STX3: variants seen among roughly 807,000 people sequenced by gnomAD.
STX3 encodes syntaxin 3.
STX3 carries 19 observed loss-of-function variants against 40.2 expected under a neutral mutation model. The observed-to-expected ratio is 0.47, with a 90% CI of 0.33 to 0.69. The LOEUF is 0.69. Among genes scored for constraint, STX3 ranks in the 30% least tolerant of loss-of-function variants. The pLI, the probability that STX3 is intolerant of heterozygous loss-of-function variation, is 0.02. For missense variants in STX3, 364 were observed against 366.7 expected (o/e 0.99, Z 0.06); for synonymous variants, 122 against 132.2 (o/e 0.92, Z 0.53).
chr11:59,788,859 CTTTA>C lies in STX3; in HGVS notation c.215-9_215-6del. On this transcript the variant is annotated splice_polypyrimidine_tract_variant and intron_variant, in intron 3 of 10. Transcript: ENST00000337979. Reference sequence around the variant, plus strand: ...CTCCTTTCTAACGGATTCTGCCTGCCTTTATTTACCCAGAAACCAAGGATGACCT... The same window carrying C: ...CTCCTTTCTAACGGATTCTGCCTGCCTTTACCCAGAAACCAAGGATGACCT... The C allele has an allele frequency of 1.2e-6, 2 of 1,609,956 alleles. No individual in the cohort carries two copies. The highest frequency in any genetic ancestry group is 1.7e-6 in the Non-Finnish European group (2 of 1,177,936).
rs1455716313 is a variant in STX3 at position 59,802,991 on chromosome 11, G to A, written c.*2167G>A. ...GATCTGTCACGATGTTATCTAGAAG[G>A]TGGAATGACCATACCAAACATCCTT... On this transcript the variant is annotated 3_prime_UTR_variant, in exon 11 of 11. Transcript: ENST00000337979. The A allele has an allele frequency of 1.0e-6, 1 of 984,436 alleles. No individual in the cohort carries two copies. Among genetic ancestry groups the A allele is most frequent in the Non-Finnish European group, 1.2e-6 (1 of 829,808 alleles). The allele number at this position is 984,436 out of a possible 1,614,324, so 61.0% of individuals were successfully genotyped here. A position where few individuals can be genotyped will look rare whatever the true frequency, so the allele number is the denominator to read the frequency against.
intron 5 of STX3, 150 bp from the exon 6 acceptor site, chr11:59,791,957 A>G (rs1284826435): frequency 2.9e-6 from 2 of 696,538 alleles, no homozygotes; most frequent in African/African-American, 3.6e-5. Flanking sequence ...TCCCAGTGGC[A>G]CAAAGCTAGG....
Position 59,792,094 on chromosome 11 carries a change from C to T in STX3, c.358-13C>T, listed in dbSNP as rs376676090. ...ACCACTGGGGCCTGACTGCATTTTACATCATCCCACAGCACTCTGTCCTTT... is the reference window on the plus strand; with the variant it reads ...ACCACTGGGGCCTGACTGCATTTTATATCATCCCACAGCACTCTGTCCTTT... On this transcript the variant is annotated splice_polypyrimidine_tract_variant and intron_variant, in intron 5 of 10. Transcript: ENST00000337979. The T allele has an allele frequency of 8.6e-5, 139 of 1,609,636 alleles. No individual in the cohort carries two copies. Among genetic ancestry groups the T allele is most frequent in the Non-Finnish European group, 1.1e-4 (131 of 1,176,856 alleles).
chr11:59,767,295 G>A (rs1406120364), intron 1 of STX3, among the ~76,000 whole-genome samples: 1 of 152,180 alleles, frequency 6.6e-6, no homozygotes, highest in Non-Finnish European at 1.5e-5. Flanking sequence ...AGGTTGGGGA[G>A]GGGAGGAAGT....
At chr11:59,799,833 T>C in intron 10 of STX3, 4 of 985,474 alleles carry the variant, frequency 4.1e-6, no homozygotes, top group Non-Finnish European at 3.6e-6. Flanking sequence ...TTTCCCCTCT[T>C]TTTTCTGGCA....
chr11:59,780,531 G>T (rs1009844547), intron 2 of STX3, among the ~76,000 whole-genome samples: 1 of 152,166 alleles, frequency 6.6e-6, no homozygotes, highest in South Asian at 2.1e-4. Context: ...AAGGAGGAGG[G>T]AAGAGACCAT....
At position 59,781,355 on chromosome 11, in the gene STX3, C is replaced by T. The variant is rs945759348; in HGVS notation, c.115-5682C>T. ...AGATCCGAGTACAGGTGACATTGTT[C>T]ATGACACACTCCACCACTAATTTCC... On this transcript the variant is annotated intron_variant, in intron 2 of 10. Coordinates refer to ENST00000337979, the MANE Select transcript of STX3 (RefSeq NM_004177.5). 8.2e-6 allele frequency: 13 copies of T among 1,590,786 alleles called. No individual in the cohort carries two copies. In the South Asian group the frequency reaches 8.8e-5, roughly 11 times the overall value.
At chr11:59,755,266 G>A, upstream of STX3, 1 of 203,528 alleles carries the variant, frequency 4.9e-6, no homozygotes, top group Non-Finnish European at 9.7e-6. Flanking sequence ...GACGCCCCGG[G>A]CGGCCGGGCG....
chr11:59,792,474 C>G (rs957551055), intron 6 of STX3, among the ~76,000 whole-genome samples: 19 of 152,150 alleles, frequency 1.2e-4, no homozygotes, highest in African/African-American at 4.6e-4. Context: ...CAAACAGTTG[C>G]TCTCTTGTGG....
chr11:59,775,313 A>G (rs757373398), intron 2 of STX3, among the ~76,000 whole-genome samples: 11 of 152,178 alleles, frequency 7.2e-5, no homozygotes, highest in Non-Finnish European at 1.3e-4. Context: ...TGTTACTCCA[A>G]TTGTGGATCG....
chr11:59,793,018 C>A (rs965190852), intron 6 of STX3, 81 bp from the exon 7 acceptor site: 2 of 1,413,704 alleles, frequency 1.4e-6, no homozygotes, highest in Non-Finnish European at 2.0e-6. Context: ...AGGGAAGTCA[C>A]GTTCCTAATT....
At chr11:59,785,145 C>A (rs950386164) in intron 2 of STX3, among the ~76,000 whole-genome samples, 3 of 152,164 alleles carry the variant, frequency 2.0e-5, no homozygotes, top group African/African-American at 4.8e-5. Flanking sequence ...TATGTTTACA[C>A]TCCCATGATA....
intron 1 of STX3, among the ~76,000 whole-genome samples, chr11:59,759,540 G>A (rs1318132285): frequency 1.3e-5 from 2 of 152,220 alleles, no homozygotes; most frequent in Non-Finnish European, 2.9e-5. Context: ...GCCATATGGT[G>A]GTAATGGAGA....
Position 59,770,732 on chromosome 11 carries a change from C to T in STX3, c.31-2479C>T, listed in dbSNP as rs191664114. ...ATTATATGCCTGGTTACAGGGTGAGCGCTCAGGAAATGTGGAATAAATTAA... is the reference window on the plus strand; with the variant it reads ...ATTATATGCCTGGTTACAGGGTGAGTGCTCAGGAAATGTGGAATAAATTAA... On this transcript the variant is annotated intron_variant, in intron 1 of 10. Transcript: ENST00000337979. 5.9e-5 allele frequency among the ~76,000 whole-genome samples: 9 copies of T among 152,078 alleles called. No individual in the cohort carries two copies. The East Asian group carries it at 1.4e-3, about 23-fold the overall frequency.
rs1865966748 is a variant in STX3, at chr11:59,803,288, T to A, written c.*2464T>A. 1 of 1,231,598 alleles carries A rather than the reference T, an allele frequency of 8.1e-7. No homozygotes were observed. Among genetic ancestry groups the A allele is most frequent in the Non-Finnish European group, 1.0e-6 (1 of 987,950 alleles). 76.3% of individuals were successfully genotyped at this position (1,231,598 alleles called of 1,614,324 possible). A position where few individuals can be genotyped will look rare whatever the true frequency, so the allele number is the denominator to read the frequency against. On this transcript the variant is annotated 3_prime_UTR_variant, in exon 11 of 11. Coordinates refer to ENST00000337979, the MANE Select transcript of STX3 (RefSeq NM_004177.5). ...TTAGCTTCCACCATTGGGAGCATAT[T>A]TGCCTGAAAAAGGTGAGCCATCTGT...
chr11:59,763,884 G>A (rs991033161), intron 1 of STX3, among the ~76,000 whole-genome samples: 2 of 152,122 alleles, frequency 1.3e-5, no homozygotes, highest in African/African-American at 2.4e-5. Context: ...AGGGCATGGT[G>A]GCGCATGCCT....
intron 1 of STX3, among the ~76,000 whole-genome samples, chr11:59,762,331 G>A (rs1258961484): frequency 6.6e-6 from 1 of 152,202 alleles, no homozygotes; most frequent in Non-Finnish European, 1.5e-5. Context: ...CCTAGCTCAG[G>A]TGCCCACTGT....
chr11:59,765,135 T>C (rs1251312435), intron 1 of STX3, among the ~76,000 whole-genome samples: 1 of 152,164 alleles, frequency 6.6e-6, no homozygotes, highest in Admixed American at 6.5e-5. Flanking sequence ...GTCAATCTCC[T>C]CTTGATTTCA....
intron 5 of STX3, among the ~76,000 whole-genome samples, chr11:59,791,219 G>A (rs1176047350): frequency 6.6e-6 from 1 of 152,140 alleles, no homozygotes; most frequent in East Asian, 1.9e-4. Flanking sequence ...TGGCAGCAGT[G>A]GTTGGTAGTG....
Sources: gnomAD v4.1 joint callset for allele counts (sites outside exome capture counted in the v4.1 genomes callset) on GRCh38, gnomAD v4.1.1 for gene constraint, MANE v1.5 for transcripts, NCBI Gene and HGNC (gene_info 2026-07-23, HGNC 2026-07-21) for gene names.